The following IL7 variants were observed in gnomAD, a reference collection of about 807,000 sequenced individuals.
IL7 encodes the protein interleukin-7.
Under a neutral mutation model 21.6 loss-of-function variants are expected in IL7, and 3 were observed. The observed-to-expected ratio is 0.14, with a 90% confidence interval of 0.06 to 0.36. The LOEUF is 0.36. IL7 is among the 10% of genes least tolerant of loss of function. IL7 has a pLI of 1.00. For missense variants in IL7, 175 were observed against 200.2 expected, an observed-to-expected ratio of 0.87 and a Z score of 0.76; for synonymous variants, 62 against 68.1, an observed-to-expected ratio of 0.91 and a Z score of 0.44.
At chr8:78,755,669 C>T (rs1812322119) in intron 2 of IL7, among the ~76,000 whole-genome samples, 2 of 151,836 alleles carry the variant, frequency 1.3e-5, no homozygotes, top group South Asian at 2.1e-4. Flanking sequence ...TACTGATTCT[C>T]GTATGTTAAT....
downstream of IL7, among the ~76,000 whole-genome samples, chr8:78,730,437 C>G (rs1200686477): frequency 6.6e-6 from 1 of 151,864 alleles, no homozygotes; most frequent in Non-Finnish European, 1.5e-5. Context: ...TGGTCAGAAT[C>G]AAAGCCAAAA....
At chr8:78,711,215 A>G (rs1810940426) in intron 3 of IL7, among the ~76,000 whole-genome samples, 1 of 152,112 alleles carries the variant, frequency 6.6e-6, no homozygotes, top group South Asian at 2.1e-4. Flanking sequence ...TCATAATTCA[A>G]TTTTCCCTGC....
At chr8:78,766,151 G>A (rs72661360) in intron 2 of IL7, among the ~76,000 whole-genome samples, 6,693 of 152,142 alleles carry the variant, frequency 0.044, 210 homozygotes, top group Middle Eastern at 0.075. Flanking sequence ...AAAAAGATTC[G>A]TGGTTTGTCA....
At chr8:78,714,854 G>A (rs975312736), downstream of IL7, among the ~76,000 whole-genome samples, 18 of 152,014 alleles carry the variant, frequency 1.2e-4, no homozygotes, top group Non-Finnish European at 4.4e-5. Flanking sequence ...AATGAAACTT[G>A]TTTGTTTATT....
At chr8:78,772,423 T>C (rs1036628433) in intron 2 of IL7, among the ~76,000 whole-genome samples, 1 of 152,152 alleles carries the variant, frequency 6.6e-6, no homozygotes, top group Non-Finnish European at 1.5e-5. Context: ...CATATTCAGA[T>C]TTTATGCATA....
At chr8:78,758,202 T>C (rs1812418104) in intron 2 of IL7, among the ~76,000 whole-genome samples, 2 of 152,094 alleles carry the variant, frequency 1.3e-5, no homozygotes, top group Non-Finnish European at 2.9e-5. Context: ...TTTTGTGTTT[T>C]CTTTTCTACC....
At chr8:78,721,151 C>G (rs150601013) in intron 4 of IL7, 1 of 152,040 alleles carries the variant, frequency 6.6e-6, no homozygotes, top group Non-Finnish European at 1.5e-5. Context: ...CAGACAATTA[C>G]AACATGGGAC....
chr8:78,697,408 A>G (rs1024344667), intron 3 of IL7: 8 of 1,592,144 alleles, frequency 5.0e-6, no homozygotes, highest in East Asian at 4.6e-5. Flanking sequence ...TTATTTTAGT[A>G]TAAGCCACCC....
chr8:78,698,509 G>A (rs375835069), intron 3 of IL7: 2 of 1,603,290 alleles, frequency 1.2e-6, no homozygotes, highest in East Asian at 4.5e-5. Context: ...AGCCCCTCAT[G>A]CAGGGTAAGT....
chr8:78,800,210 C>T (rs1290724232), intron 1 of IL7, among the ~76,000 whole-genome samples: 1 of 152,116 alleles, frequency 6.6e-6, no homozygotes, highest in Non-Finnish European at 1.5e-5. Flanking sequence ...AGATAATGGC[C>T]TCAAGTTTCA....
intron 3 of IL7, among the ~76,000 whole-genome samples, chr8:78,739,399 T>A (rs1477640314): frequency 1.3e-5 from 2 of 152,118 alleles, no homozygotes; most frequent in Non-Finnish European, 2.9e-5. Flanking sequence ...TTTTTCTGTA[T>A]AAGAAATTTA....
chr8:78,719,276 A>G (rs982087058), intron 5 of IL7: 3 of 151,746 alleles, frequency 2.0e-5, no homozygotes, highest in Admixed American at 2.0e-4. Context: ...GCTCAAGGAA[A>G]GGATAGATAA....
intron 3 of IL7, among the ~76,000 whole-genome samples, chr8:78,697,682 C>CTTTTTT (rs370060109): frequency 2.1e-5 from 3 of 139,674 alleles, no homozygotes; most frequent in African/African-American, 5.3e-5. Flanking sequence ...TACTTTTAAC[C>CTTTTTT]TTTTTTTTTT....
intron 3 of IL7, among the ~76,000 whole-genome samples, chr8:78,687,636 A>ATATTTATGTAATACAT (rs1810042876): frequency 7.7e-6 from 1 of 129,986 alleles, no homozygotes; most frequent in Non-Finnish European, 1.6e-5. Context: ...GTAATACATT[A>ATATTTATGTAATACAT]TATATATATT....
intron 3 of IL7, among the ~76,000 whole-genome samples, chr8:78,697,202 G>A (rs1287862739): frequency 2.0e-5 from 3 of 151,994 alleles, no homozygotes; most frequent in East Asian, 3.9e-4. Flanking sequence ...CATCTTAATC[G>A]TTTTTAAGAA....
At chr8:78,679,137 T>C (rs970434885) in intron 4 of IL7, 1 of 152,282 alleles carries the variant, frequency 6.6e-6, no homozygotes, top group African/African-American at 2.4e-5. Context: ...ACTGCCAGGA[T>C]TTGTAATCTA....
At chr8:78,719,269 C>T (rs1401192802) in intron 5 of IL7, 1 of 151,320 alleles carries the variant, frequency 6.6e-6, no homozygotes, top group Non-Finnish European at 1.5e-5. Context: ...TTTGTCTGCT[C>T]AAGGAAAGGA....
intron 2 of IL7, among the ~76,000 whole-genome samples, chr8:78,747,602 A>G (rs1399561225): frequency 6.6e-6 from 1 of 152,176 alleles, no homozygotes; most frequent in Non-Finnish European, 1.5e-5. Context: ...CAATTGCTAC[A>G]ATTTTTACCA....
chr8:78,682,111 A>C (rs1219192490), intron 4 of IL7, among the ~76,000 whole-genome samples: 1 of 152,106 alleles, frequency 6.6e-6, no homozygotes, highest in Non-Finnish European at 1.5e-5. Flanking sequence ...AAATATAGAC[A>C]TAGTAGGAAT....
Sources: allele counts gnomAD v4.1 joint callset (sites outside exome capture counted in the v4.1 genomes callset), GRCh38; gene constraint gnomAD v4.1.1; transcripts MANE v1.5; gene names NCBI Gene and HGNC (gene_info 2026-07-23, HGNC 2026-07-21).